The following VWA3B variants were observed in gnomAD, a reference collection of about 807,000 sequenced individuals.
VWA3B encodes von Willebrand factor A domain containing 3B.
Under a neutral mutation model 158.3 loss-of-function variants are expected in VWA3B, and 138 were observed. The observed-to-expected ratio is 0.87, with a 90% CI of 0.76 to 1.00. The LOEUF is 1.00. Ranked by LOEUF, VWA3B falls within the 50% of genes least tolerant of loss-of-function variation. The pLI, the probability that VWA3B is intolerant of heterozygous loss-of-function variation, is 0.00. For missense variants in VWA3B, 1,555 were observed against 1,565.1 expected (o/e 0.99, Z 0.11); for synonymous variants, 596 against 587.3 (o/e 1.01, Z -0.21).
At chr2:98,276,437 A>G (rs1688525908) in intron 22 of VWA3B, among the ~76,000 whole-genome samples, 1 of 152,240 alleles carries the variant, frequency 6.6e-6, no homozygotes, top group Non-Finnish European at 1.5e-5. Flanking sequence ...CTCATTTTAA[A>G]TTCTTTTAGC....
intron 26 of VWA3B, among the ~76,000 whole-genome samples, chr2:98,305,721 C>A (rs1245731398): frequency 6.6e-6 from 1 of 152,110 alleles, no homozygotes; most frequent in Non-Finnish European, 1.5e-5. Flanking sequence ...GCTGCTTGTC[C>A]TTCACCTACC....
intron 7 of VWA3B, among the ~76,000 whole-genome samples, chr2:98,148,907 G>A (rs1289583220): frequency 1.3e-5 from 2 of 152,198 alleles, no homozygotes; most frequent in African/African-American, 4.8e-5. Flanking sequence ...TCATAGATGT[G>A]AAGAATGGGC....
At chr2:98,170,458 A>G (rs1679489357) in intron 8 of VWA3B, among the ~76,000 whole-genome samples, 1 of 152,218 alleles carries the variant, frequency 6.6e-6, no homozygotes, top group East Asian at 1.9e-4. Context: ...GTTGCAACCT[A>G]CAGTAGGTCT....
chr2:98,283,420 C>T (rs982741073), intron 22 of VWA3B, among the ~76,000 whole-genome samples: 5 of 152,174 alleles, frequency 3.3e-5, no homozygotes, highest in Admixed American at 6.5e-5. Context: ...GTGGCTTTTC[C>T]GTAAAGGCTT....
At chr2:98,207,183 G>C in intron 12 of VWA3B, 1 of 550,612 alleles carries the variant, frequency 1.8e-6, no homozygotes, top group Non-Finnish European at 3.7e-6. Flanking sequence ...TGTGGGGAAA[G>C]AATTGCCACT....
chr2:98,120,395 C>A (rs922215034), intron 4 of VWA3B, among the ~76,000 whole-genome samples: 1 of 152,224 alleles, frequency 6.6e-6, no homozygotes, highest in African/African-American at 2.4e-5. Flanking sequence ...TGTTTTTAAT[C>A]AAATACTTTC....
intron 14 of VWA3B, among the ~76,000 whole-genome samples, chr2:98,221,713 A>C (rs961660465): frequency 1.3e-5 from 2 of 152,140 alleles, no homozygotes; most frequent in African/African-American, 4.8e-5. Flanking sequence ...TGGGAAGCTG[A>C]TCTCTCATCC....
Position 98,212,011 on chromosome 2 carries a change from G to C in VWA3B, c.1819G>C (p.Asp607His). Residue 607 changes from aspartate (D) to histidine (H), a missense_variant, in exon 13 of 28, where the codon GAT becomes CAT. By Grantham distance (81) the Asp-to-His change is moderately conservative. Transcript: ENST00000477737. ...KETQAIYLLTDGRPDQPPETV... is the reference protein window; with the variant it reads ...KETQAIYLLTHGRPDQPPETV... ...AACACAGGCAATCTACCTTCTGACCGATGGGAGACCTGATCAGGTACTTAC... is the reference window on the plus strand; with the variant it reads ...AACACAGGCAATCTACCTTCTGACCCATGGGAGACCTGATCAGGTACTTAC... 6.2e-7 allele frequency: 1 copy of C among 1,614,040 alleles called. No homozygotes were observed. The highest frequency in any genetic ancestry group is 8.5e-7 in the Non-Finnish European group (1 of 1,179,956).
intron 22 of VWA3B, among the ~76,000 whole-genome samples, chr2:98,281,757 G>A (rs17493655): frequency 0.37 from 56,278 of 151,868 alleles, 11,339 homozygotes; most frequent in Non-Finnish European, 0.46. Flanking sequence ...CTGACAAGGA[G>A]GTGAATTGGA....
At chr2:98,282,524 G>A (rs1279229159) in intron 22 of VWA3B, among the ~76,000 whole-genome samples, 2 of 141,560 alleles carry the variant, frequency 1.4e-5, no homozygotes, top group South Asian at 2.2e-4. Flanking sequence ...TGCAACTTCC[G>A]CCTTCCAGGT....
At chr2:98,249,225 C>T (rs917896937) in intron 19 of VWA3B, among the ~76,000 whole-genome samples, 1 of 151,986 alleles carries the variant, frequency 6.6e-6, no homozygotes, top group African/African-American at 2.4e-5. Context: ...ATTCCTTTAT[C>T]AACAAACATT....
At chr2:98,105,512 C>T (rs1326082403) in intron 2 of VWA3B, among the ~76,000 whole-genome samples, 2 of 152,066 alleles carry the variant, frequency 1.3e-5, no homozygotes, top group African/African-American at 4.8e-5. Context: ...CCTATGTTAC[C>T]CCCTCCTATG....
At chr2:98,129,222 AGAGT>A (rs1370183915) in intron 6 of VWA3B, among the ~76,000 whole-genome samples, 6 of 110,322 alleles carry the variant, frequency 5.4e-5, no homozygotes, top group Non-Finnish European at 1.2e-4. Context: ...AGAGAGAGAG[AGAGT>A]GTGTGTGTGT....
At chr2:98,207,366 T>G (rs898625117) in intron 12 of VWA3B, 1 of 485,330 alleles carries the variant, frequency 2.1e-6, no homozygotes, top group African/African-American at 2.0e-5. Context: ...ACATCATGGA[T>G]CCCAACATTG....
At position 98,156,164 on chromosome 2, in the gene VWA3B, G is replaced by A. The variant is rs144349796; in HGVS notation, c.989-6687G>A. 9.9e-4 allele frequency among the ~76,000 whole-genome samples: 151 copies of A among 152,240 alleles called. 1 individual carries two copies. In the East Asian group the frequency reaches 0.028, roughly 28 times the overall value. On this transcript the variant is annotated intron_variant, in intron 7 of 27. Coordinates refer to ENST00000477737, the MANE Select transcript of VWA3B (RefSeq NM_144992.5). ...CTCCTCAGAGCTGGGATGGTTTCCT[G>A]TTCATTTTGTATTTCCAGTGTCCGG...
At chr2:98,300,359 A>C (rs1574310135) in intron 25 of VWA3B, 143 bp downstream of exon 25, 1 of 1,214,342 alleles carries the variant, frequency 8.2e-7, no homozygotes. Flanking sequence ...GCTTCTGCCC[A>C]CCGTGCCACA....
In VWA3B at chr2:98,234,676, C is replaced by T; in HGVS notation, c.2337C>T (p.Ser779=). The T allele has an allele frequency of 2.5e-6, 4 of 1,614,194 alleles. No homozygotes were observed. Among genetic ancestry groups the T allele is most frequent in the Non-Finnish European group, 3.4e-6 (4 of 1,180,016 alleles). Residue 779 remains serine (S), a synonymous_variant, in exon 17 of 28, where the codon AGC becomes AGT. Transcript: ENST00000477737. ...CAACCAAAACCAGCCTGCTCAGAAG[C>T]CAGATGTCCTCCCTCAGGAGCTCAG... is the stretch of plus-strand genomic sequence containing the variant. The part of the protein sequence containing the change: ...AESTKTSLLR[S]QMSSLRSSAC...
At chr2:98,179,489 A>G (rs1680292117) in intron 8 of VWA3B, among the ~76,000 whole-genome samples, 1 of 152,152 alleles carries the variant, frequency 6.6e-6, no homozygotes, top group African/African-American at 2.4e-5. Context: ...CAGGGTGGAA[A>G]GCCAGGCTGT....
At chr2:98,124,855 G>A (rs1308478059) in intron 5 of VWA3B, among the ~76,000 whole-genome samples, 3 of 152,174 alleles carry the variant, frequency 2.0e-5, no homozygotes. Flanking sequence ...GGACTCTTTG[G>A]CGGGGCAGAA....
Sources: gnomAD v4.1 joint callset for allele counts (sites outside exome capture counted in the v4.1 genomes callset) on GRCh38, gnomAD v4.1.1 for gene constraint, MANE v1.5 for transcripts, NCBI Gene and HGNC (gene_info 2026-07-23, HGNC 2026-07-21) for gene names.